The following ANKRD52 variants were observed in gnomAD, a reference collection of about 807,000 sequenced individuals.
The protein encoded by ANKRD52 is serine/threonine-protein phosphatase 6 regulatory ankyrin repeat subunit C.
Under a neutral mutation model 116.0 loss-of-function variants are expected in ANKRD52, and 7 were observed. That is an observed-to-expected ratio of 0.06 (90% confidence interval 0.03 to 0.11). The LOEUF is 0.11. Ranked by LOEUF, ANKRD52 falls within the 10% of genes least tolerant of loss-of-function variation. The pLI is 1.00. For missense variants in ANKRD52, 839 were observed against 1,408.6 expected, an observed-to-expected ratio of 0.60 and a Z score of 6.47; for synonymous variants, 528 against 578.1, an observed-to-expected ratio of 0.91 and a Z score of 1.24.
In ANKRD52 at chr12:56,255,870, G is replaced by T. The variant is rs1442847647; in HGVS notation, c.376C>A (p.Leu126Met). ...ANRATKCAEA[L>M]APLLSSLNVA... Reference sequence around the variant, plus strand: ...TTGAGGCTGCTCAACAGGGGTGCCAGAGCCTCAGCACACTTGGTGGCCCGG... The same window carrying T: ...TTGAGGCTGCTCAACAGGGGTGCCATAGCCTCAGCACACTTGGTGGCCCGG... Residue 126 changes from leucine (L) to methionine (M), a missense_variant, in exon 5 of 28, where the codon CTG becomes ATG. Physicochemically the swap from Leu to Met is conservative, Grantham distance 15. Transcript: ENST00000267116. This position sits in a 1 kb window ranked among gnomAD's most constrained non-coding sequence, Gnocchi z 4.3. 1 of 1,575,898 alleles carries T rather than the reference G, an allele frequency of 6.3e-7. No individual in the cohort carries two copies. The highest frequency in any genetic ancestry group is 8.6e-7 in the Non-Finnish European group (1 of 1,160,588).
At chr12:56,247,939 C>G (rs1233238330) in intron 18 of ANKRD52, 84 bp downstream of exon 18, 8 of 1,429,860 alleles carry the variant, frequency 5.6e-6, no homozygotes, top group Non-Finnish European at 6.6e-6. Context: ...TTCTCCTCAC[C>G]CTACTCCACT....
Position 56,245,528 on chromosome 12 carries a change from G to A in ANKRD52, c.2253C>T (p.Asp751=). ...GGTGAATGGGCGTGCGGCCCTTAAA[G>A]TCTCGGCACAGCACAAATGCGTCGT... is the stretch of plus-strand genomic sequence containing the variant. The part of the protein sequence containing the change: ...LDHDAFVLCR[D]FKGRTPIHLA... The change falls in exon 21 of 28, where the codon GAC becomes GAT. Residue 751 remains aspartate, a synonymous_variant. Transcript: ENST00000267116. 1 of 1,611,760 alleles carries A rather than the reference G, an allele frequency of 6.2e-7. No individual in the cohort carries two copies. The highest frequency in any genetic ancestry group is 8.5e-7 in the Non-Finnish European group (1 of 1,179,070).
chr12:56,251,402 A>C (rs1362484742), intron 15 of ANKRD52, among the ~76,000 whole-genome samples: 1 of 147,778 alleles, frequency 6.8e-6, no homozygotes, highest in Non-Finnish European at 1.5e-5. Flanking sequence ...GTGCCACCAC[A>C]CCTGGTTAAT....
rs1240948625 is a variant in ANKRD52 at position 56,242,310 on chromosome 12, G to A, written c.*832C>T. ...TTCATGACAAGCCTCAAAGTTCAAG[G>A]GAAGGAGAGCCAGGGCAGGAATGAC... On this transcript the variant is annotated 3_prime_UTR_variant, in exon 28 of 28. Transcript: ENST00000267116. This position sits in a 1 kb window ranked among gnomAD's most constrained non-coding sequence, Gnocchi z 4.3. 4.0e-5 allele frequency: 16 copies of A among 396,888 alleles called. No homozygotes were observed. Among genetic ancestry groups the A allele is most frequent in the Non-Finnish European group, 6.7e-5 (15 of 225,552 alleles). 24.6% of individuals were successfully genotyped at this position (396,888 alleles called of 1,614,324 possible). A position where few individuals can be genotyped will look rare whatever the true frequency, so the allele number is the denominator to read the frequency against.
At position 56,243,216 on chromosome 12, in the gene ANKRD52, G is replaced by A. The variant is rs1871244183; in HGVS notation, c.3157C>T (p.Pro1053Ser). The A allele has an allele frequency of 5.0e-6, 8 of 1,613,388 alleles. No homozygotes were observed. The highest frequency in any genetic ancestry group is 6.8e-6 in the Non-Finnish European group (8 of 1,179,684). The stretch of plus-strand genomic sequence containing the variant: ...CTGTAGGGGCAGGAGGCCCCATGGG[G>A]CAGGGCGCCGCAGCCACCCACCGTC... ...AKTVGGCGALPHGASCPYSQE... is the reference protein window; with the variant it reads ...AKTVGGCGALSHGASCPYSQE... Residue 1053 changes from proline to serine, a missense_variant, in exon 28 of 28, where the codon CCC becomes TCC. By Grantham distance (74) the Pro-to-Ser change is moderately conservative. Transcript: ENST00000267116. The surrounding 1 kb of genome is among the most constrained non-coding windows in gnomAD (Gnocchi z 4.6).
intron 18 of ANKRD52, 110 bp from the exon 19 acceptor site, chr12:56,247,884 A>G: frequency 3.6e-6 from 5 of 1,384,266 alleles, no homozygotes; most frequent in Non-Finnish European, 5.0e-6. Flanking sequence ...GCCAGGGAGA[A>G]ATCTCTGAGG....
chr12:56,251,852 T>A (rs978743777), intron 15 of ANKRD52, among the ~76,000 whole-genome samples, 163 bp downstream of exon 15: 1 of 152,030 alleles, frequency 6.6e-6, no homozygotes, highest in Admixed American at 6.6e-5. Flanking sequence ...CTTTTGTCTT[T>A]GCCCACTATG....
At chr12:56,249,607 T>G (rs1287121147) in intron 15 of ANKRD52, among the ~76,000 whole-genome samples, 1 of 152,216 alleles carries the variant, frequency 6.6e-6, no homozygotes, top group Non-Finnish European at 1.5e-5. Flanking sequence ...TTTACTTATT[T>G]TAAATGGAGA....
chr12:56,243,651 T>C lies in ANKRD52; in HGVS notation c.2980+134A>G. 9.6e-7 allele frequency: 1 copy of C among 1,040,070 alleles called. No homozygotes were observed. Among genetic ancestry groups the C allele is most frequent in the South Asian group, 1.6e-5 (1 of 63,424 alleles). 64.4% of individuals were successfully genotyped at this position (1,040,070 alleles called of 1,614,324 possible). On this transcript the variant is annotated intron_variant, in intron 27 of 27. Coordinates refer to ENST00000267116, the MANE Select transcript of ANKRD52 (RefSeq NM_173595.4). The surrounding 1 kb of genome is among the most constrained non-coding windows in gnomAD (Gnocchi z 4.6). ...GCTCCCCTCTGAGACTCCAGAGTAC[T>C]GGTGTGGGCTCCCTGCTCTGAAGAG...
intron 1 of ANKRD52, 102 bp from the exon 2 acceptor site, chr12:56,258,013 T>A: frequency 7.6e-7 from 1 of 1,311,026 alleles, no homozygotes; most frequent in Non-Finnish European, 1.1e-6. Context: ...GGGGCGTCCG[T>A]GGAGGGGCTC....
In ANKRD52 at chr12:56,257,336, T is replaced by C; in HGVS notation, c.137A>G (p.His46Arg). The part of the protein sequence containing the change: ...VLDQERRTPL[H>R]AAAYVGDVPI... ...GACATCGCCTACGTAGGCAGCAGCA[T>C]GCAATGGAGTTCGCCTCTCTTGGTC... The change falls in exon 3 of 28, where the codon CAT (histidine) becomes CGT (arginine). Residue 46 changes from histidine to arginine, a missense_variant. Physicochemically the swap from His to Arg is conservative, Grantham distance 29. Transcript: ENST00000267116. The C allele has an allele frequency of 6.3e-7, 1 of 1,596,006 alleles. No individual in the cohort carries two copies. The highest frequency in any genetic ancestry group is 8.5e-7 in the Non-Finnish European group (1 of 1,171,356).
In ANKRD52 at chr12:56,243,153, A is replaced by T. The variant is rs749864594; in HGVS notation, c.3220T>A (p.Tyr1074Asn). ...RPGAIGLDGC[Y>N]SE ...GACACTGGAGGGGGCTACTCAGAGT[A>T]GCAGCCATCTAACCCAATGGCGCCG... Residue 1074 changes from tyrosine (Y) to asparagine (N), a missense_variant, in exon 28 of 28, where the codon TAC (tyrosine) becomes AAC (asparagine). Tyr to Asn is a moderately radical substitution (Grantham distance 143). Transcript: ENST00000267116. The surrounding 1 kb of genome is among the most constrained non-coding windows in gnomAD (Gnocchi z 4.6). The T allele has an allele frequency of 6.3e-7, 1 of 1,599,624 alleles. No homozygotes were observed. The highest frequency in any genetic ancestry group is 8.5e-7 in the Non-Finnish European group (1 of 1,172,482).
intron 20 of ANKRD52, 30 bp from the exon 21 acceptor site, chr12:56,245,626 T>C: frequency 3.1e-6 from 5 of 1,591,392 alleles, no homozygotes; most frequent in Non-Finnish European, 4.3e-6. Flanking sequence ...GTGAGGGGGA[T>C]GAAAAGCTCC....
In ANKRD52 at chr12:56,237,855, T is replaced by G. The variant is rs2135868685; in HGVS notation, c.*5287A>C. ...ACAGAACCCATCCCAAAGCCATGAC[T>G]ACGACAGTTGTACTTGCACCAAAAC... On this transcript the variant is annotated 3_prime_UTR_variant, in exon 28 of 28. Coordinates refer to ENST00000267116, the MANE Select transcript of ANKRD52 (RefSeq NM_173595.4). 2.5e-6 allele frequency: 3 copies of G among 1,202,472 alleles called. No homozygotes were observed. The highest frequency in any genetic ancestry group is 3.4e-6 in the Non-Finnish European group (3 of 894,620). 74.5% of individuals were successfully genotyped at this position (1,202,472 alleles called of 1,614,324 possible). A position where few individuals can be genotyped will look rare whatever the true frequency, so the allele number is the denominator to read the frequency against.
In ANKRD52 at chr12:56,244,865, C is replaced by A. The variant is rs767440564; in HGVS notation, c.2576+41G>T. 1 of 1,613,900 alleles carries A rather than the reference C, an allele frequency of 6.2e-7. No homozygotes were observed. Among genetic ancestry groups the A allele is most frequent in the Non-Finnish European group, 8.5e-7 (1 of 1,179,842 alleles). On this transcript the variant is annotated intron_variant, in intron 23 of 27. Transcript: ENST00000267116. The surrounding 1 kb of genome is among the most constrained non-coding windows in gnomAD (Gnocchi z 4.9). ...TACTGCCCAAGCAGAAAGGGGAAGC[C>A]AGAGGCAACTGGGATTCTTCCCAAG...
chr12:56,241,401 T>G lies in ANKRD52; in HGVS notation c.*1741A>C, dbSNP rs1487918330. ...AGGTATCCGTTGGGGAGGGAGGGGGTCCCTGGGACGCCCCCCTCCCCTCAG... is the reference window on the plus strand; with the variant it reads ...AGGTATCCGTTGGGGAGGGAGGGGGGCCCTGGGACGCCCCCCTCCCCTCAG... On this transcript the variant is annotated 3_prime_UTR_variant, in exon 28 of 28. Transcript: ENST00000267116. 1 of 148,896 alleles carries G rather than the reference T, an allele frequency of 6.7e-6. No individual in the cohort carries two copies. The highest frequency in any genetic ancestry group is 1.5e-5 in the Non-Finnish European group (1 of 67,068). The allele number at this position is 148,896 out of a possible 1,614,324, so 9.2% of individuals were successfully genotyped here. A position where few individuals can be genotyped will look rare whatever the true frequency, so the allele number is the denominator to read the frequency against.
Position 56,254,718 on chromosome 12 carries a change from G to A in ANKRD52, c.553C>T (p.His185Tyr). The A allele has an allele frequency of 1.2e-6, 2 of 1,609,602 alleles. No individual in the cohort carries two copies. Among genetic ancestry groups the A allele is most frequent in the Non-Finnish European group, 1.7e-6 (2 of 1,176,724 alleles). Residue 185 changes from histidine to tyrosine, a missense_variant and splice_region_variant, in exon 7 of 28, where the codon CAC becomes TAC. Transcript: ENST00000267116. This position sits in a 1 kb window ranked among gnomAD's most constrained non-coding sequence, Gnocchi z 4.6. ...QPLHWAAFLG[H>Y]LEVLKLLVAR... ...ACCAGCAGTTTTAGGACCTCCAAGT[G>A]CCCTGAGAAAAGAGAAGACACTCTA...
At position 56,255,505 on chromosome 12, in the gene ANKRD52, G is replaced by GT. The variant is rs1393477593; in HGVS notation, c.462+278dup. Among the ~76,000 whole-genome samples the GT allele has an allele frequency of 6.6e-6, 1 of 152,172 alleles. No individual in the cohort carries two copies. Among genetic ancestry groups the GT allele is most frequent in the African/African-American group, 2.4e-5 (1 of 41,440 alleles). On this transcript the variant is annotated intron_variant, in intron 5 of 27. Transcript: ENST00000267116. The surrounding 1 kb of genome is among the most constrained non-coding windows in gnomAD (Gnocchi z 4.3). The stretch of plus-strand genomic sequence containing the variant: ...GTGCCCGGCCGGTTCTTAAACTCTT[G>GT]TAAGTCTTTGCAAATGTGCTGAAAG...
chr12:56,243,383 G>A lies in ANKRD52; in HGVS notation c.2990C>T (p.Pro997Leu), dbSNP rs1243344694. The change falls in exon 28 of 28, where the codon CCA (proline) becomes CTA (leucine). Residue 997 changes from proline to leucine, a missense_variant. By Grantham distance (98) the Pro-to-Leu change is moderately conservative. Transcript: ENST00000267116. The surrounding 1 kb of genome is among the most constrained non-coding windows in gnomAD (Gnocchi z 4.6). ...TTTGTTGGGGGCACAGGCCAGTGCT[G>A]GGGTGTGACCTGCAGGGCCAAGGGG... ...VLAVDEEGHT[P>L]ALACAPNKDV... The A allele has an allele frequency of 6.2e-7, 1 of 1,613,800 alleles. No individual in the cohort carries two copies.
Sources: gnomAD v4.1 joint callset for allele counts (sites outside exome capture counted in the v4.1 genomes callset) on GRCh38, gnomAD v4.1.1 for gene constraint, Gnocchi (gnomAD v3.1) non-coding constraint, MANE v1.5 for transcripts, NCBI Gene and HGNC (gene_info 2026-07-23, HGNC 2026-07-21) for gene names.